The following LINGO2 variants were observed in gnomAD, a reference collection of about 807,000 sequenced individuals.
LINGO2 encodes the protein leucine rich repeat and Ig domain containing 2, also known as leucine-rich repeat and immunoglobulin-like domain-containing nogo receptor-interacting protein 2.
Under a neutral mutation model 30.6 loss-of-function variants are expected in LINGO2, and 14 were observed. That is an observed-to-expected ratio of 0.46 (90% CI 0.30 to 0.72). LINGO2 has a LOEUF of 0.72. LINGO2 is among the 30% of genes least tolerant of loss of function. The probability of loss-of-function intolerance (pLI) is 0.07; values close to 1 mark genes in which losing one functional copy is unlikely to be tolerated. For missense variants in LINGO2, 729 were observed against 751.7 expected (o/e 0.97, Z 0.35); for synonymous variants, 317 against 288.5 (o/e 1.10, Z -1.00).
At chr9:28,291,876 A>T (rs1180691663) in intron 4 of LINGO2, among the ~76,000 whole-genome samples, 1 of 152,212 alleles carries the variant, frequency 6.6e-6, no homozygotes, top group Non-Finnish European at 1.5e-5. Flanking sequence ...GATAAATTTA[A>T]AGAAAATTAC....
chr9:28,927,152 T>C, the LINGO2 span, among the ~76,000 whole-genome samples: 1 of 152,260 alleles, frequency 6.6e-6, no homozygotes, highest in Non-Finnish European at 1.5e-5. Flanking sequence ...TAAAAAGTAC[T>C]GTGCCTGGTA....
At chr9:28,488,117 T>C (rs1283329906) in intron 1 of LINGO2, among the ~76,000 whole-genome samples, 2 of 152,176 alleles carry the variant, frequency 1.3e-5, no homozygotes, top group East Asian at 3.8e-4. Flanking sequence ...TTTCTCCCAC[T>C]TTCCCCATGG....
intron 4 of LINGO2, among the ~76,000 whole-genome samples, chr9:28,229,385 AT>A (rs1324021147): frequency 1.3e-5 from 2 of 151,840 alleles, no homozygotes; most frequent in Non-Finnish European, 3.0e-5. Flanking sequence ...GAAGAAAAAA[AT>A]AAAGACAATT....
chr9:28,012,844 A>G (rs537048821), intron 4 of LINGO2, among the ~76,000 whole-genome samples: 6 of 152,124 alleles, frequency 3.9e-5, no homozygotes, highest in African/African-American at 1.4e-4. Context: ...TCTGAAATTG[A>G]CTATTAAAAG....
At chr9:28,094,497 G>A (rs1017122577) in intron 4 of LINGO2, among the ~76,000 whole-genome samples, 2 of 150,980 alleles carry the variant, frequency 1.3e-5, no homozygotes, top group African/African-American at 4.9e-5. Context: ...TGAAGCAATA[G>A]AGAGAGAAAG....
At chr9:28,797,289 T>C in the LINGO2 span, among the ~76,000 whole-genome samples, 57 of 146,666 alleles carry the variant, frequency 3.9e-4, no homozygotes, top group African/African-American at 1.3e-3. Flanking sequence ...TGAATATATA[T>C]GCATATATAT....
intron 4 of LINGO2, among the ~76,000 whole-genome samples, chr9:28,159,916 T>G (rs532297450): frequency 5.8e-4 from 88 of 152,288 alleles, no homozygotes; most frequent in Non-Finnish European, 9.1e-4. Flanking sequence ...TAAAAAAAGT[T>G]GATAGATGTC....
At chr9:28,390,788 T>G (rs1444312138) in intron 2 of LINGO2, among the ~76,000 whole-genome samples, 1 of 152,184 alleles carries the variant, frequency 6.6e-6, no homozygotes, top group African/African-American at 2.4e-5. Flanking sequence ...GCTAAGAATT[T>G]TATAAACAAA....
intron 1 of LINGO2, among the ~76,000 whole-genome samples, chr9:28,497,614 T>C (rs564025536): frequency 6.6e-6 from 1 of 152,314 alleles, no homozygotes; most frequent in East Asian, 1.9e-4. Context: ...ACTTCCTCCT[T>C]TAGCTTGGAG....
chr9:28,030,349 T>TA (rs1823605824), intron 4 of LINGO2, among the ~76,000 whole-genome samples: 1 of 152,178 alleles, frequency 6.6e-6, no homozygotes, highest in East Asian at 1.9e-4. Context: ...ATGTAGTTTT[T>TA]ATTAATAAGT....
At chr9:28,671,850 G>C (rs1376567815), upstream of LINGO2, among the ~76,000 whole-genome samples, 3 of 151,938 alleles carry the variant, frequency 2.0e-5, no homozygotes, top group East Asian at 3.9e-4. Flanking sequence ...TAGAAGATTG[G>C]AACATAAAGA....
the LINGO2 span, among the ~76,000 whole-genome samples, chr9:28,806,239 T>G: frequency 6.6e-6 from 1 of 152,198 alleles, no homozygotes; most frequent in Non-Finnish European, 1.5e-5. Flanking sequence ...CAGAAATTTA[T>G]GCCTGATTAA....
At chr9:28,177,529 T>A (rs1828781902) in intron 4 of LINGO2, among the ~76,000 whole-genome samples, 1 of 152,104 alleles carries the variant, frequency 6.6e-6, no homozygotes, top group Non-Finnish European at 1.5e-5. Flanking sequence ...CCCAGTTAAA[T>A]GAAAATAAAA....
At chr9:29,055,595 A>C in the LINGO2 span, among the ~76,000 whole-genome samples, 10 of 151,926 alleles carry the variant, frequency 6.6e-5, no homozygotes, top group South Asian at 2.1e-4. Context: ...GTTTTGGGGG[A>C]ATATGTGGTG....
At chr9:28,016,436 T>C (rs532172735) in intron 4 of LINGO2, among the ~76,000 whole-genome samples, 183 of 152,008 alleles carry the variant, frequency 1.2e-3, no homozygotes, top group African/African-American at 4.2e-3. Flanking sequence ...TATCAAGAAA[T>C]AGGAAGGAGA....
chr9:28,852,108 G>A, the LINGO2 span, among the ~76,000 whole-genome samples: 1 of 151,896 alleles, frequency 6.6e-6, no homozygotes, highest in Non-Finnish European at 1.5e-5. Flanking sequence ...ACAAAGCAGA[G>A]GTAAAGAGCA....
chr9:28,332,149 T>C (rs952343765), intron 3 of LINGO2, among the ~76,000 whole-genome samples: 2 of 152,160 alleles, frequency 1.3e-5, no homozygotes, highest in African/African-American at 4.8e-5. Flanking sequence ...AGACTTTATT[T>C]TTCAGAGCAA....
the LINGO2 span, among the ~76,000 whole-genome samples, chr9:29,178,008 AT>A: frequency 1.2e-4 from 17 of 141,092 alleles, no homozygotes; most frequent in East Asian, 4.1e-4. Flanking sequence ...TATCCCTTCC[AT>A]TTTTTTTTTC....
chr9:28,264,151 T>C (rs1822664233), intron 4 of LINGO2, among the ~76,000 whole-genome samples: 1 of 151,914 alleles, frequency 6.6e-6, no homozygotes, highest in Admixed American at 6.6e-5. Flanking sequence ...ATATTTAAAC[T>C]TTATATTTAC....
Sources: allele counts gnomAD v4.1 joint callset (sites outside exome capture counted in the v4.1 genomes callset), GRCh38; gene constraint gnomAD v4.1.1; transcripts MANE v1.5; gene names NCBI Gene and HGNC (gene_info 2026-07-23, HGNC 2026-07-21).